NAPB: variants seen among roughly 807,000 people sequenced by gnomAD.
NAPB encodes the protein NSF attachment protein beta.
A neutral mutation model predicts 44.7 loss-of-function variants in NAPB; 26 were observed. The ratio of observed to expected loss-of-function variants is 0.58; its 90% CI spans 0.43 to 0.81. The LOEUF is 0.81. Among genes scored for constraint, NAPB ranks in the 30% least tolerant of loss-of-function variants. The pLI, the probability that NAPB is intolerant of heterozygous loss-of-function variation, is 0.00. For missense variants in NAPB, 315 were observed against 356.4 expected, an observed-to-expected ratio of 0.88 and a Z score of 0.94; for synonymous variants, 120 against 116.8, an observed-to-expected ratio of 1.03 and a Z score of -0.18.
chr20:23,383,409 ACTT>A (rs1451513719), intron 7 of NAPB, among the ~76,000 whole-genome samples: 15 of 152,226 alleles, frequency 9.9e-5, no homozygotes, highest in African/African-American at 3.1e-4. Context: ...ATGACAGCAG[ACTT>A]CTTATCAAAA....
intron 5 of NAPB, 125 bp downstream of exon 5, chr20:23,394,797 G>A: frequency 1.1e-6 from 1 of 873,736 alleles, no homozygotes; most frequent in Non-Finnish European, 1.8e-6. Flanking sequence ...TTGCCAGAAA[G>A]TCTCCAGGCA....
intron 1 of NAPB, among the ~76,000 whole-genome samples, chr20:23,403,379 G>A (rs1163595377): frequency 1.3e-5 from 2 of 152,146 alleles, no homozygotes; most frequent in Admixed American, 1.3e-4. Flanking sequence ...AAGGCGGGCG[G>A]ATCACCTGAG....
intron 1 of NAPB, among the ~76,000 whole-genome samples, chr20:23,407,480 A>G (rs970915654): frequency 1.3e-5 from 2 of 152,180 alleles, no homozygotes; most frequent in African/African-American, 4.8e-5. Context: ...TCTGACTTGG[A>G]AGAAGAAAAC....
At chr20:23,416,596 T>C (rs1205811581) in intron 1 of NAPB, among the ~76,000 whole-genome samples, 2 of 151,932 alleles carry the variant, frequency 1.3e-5, no homozygotes, top group East Asian at 1.9e-4. Flanking sequence ...TTACGTATAT[T>C]ATATAATTTA....
chr20:23,421,267 A>AC (rs200080949), intron 1 of NAPB, 38 bp downstream of exon 1: 241 of 1,412,558 alleles, frequency 1.7e-4, no homozygotes, highest in South Asian at 2.3e-4. Flanking sequence ...AAGTACGGAG[A>AC]CCCCCCCCCC....
chr20:23,390,899 G>A (rs989406165), intron 5 of NAPB, among the ~76,000 whole-genome samples: 3 of 152,144 alleles, frequency 2.0e-5, no homozygotes, highest in Non-Finnish European at 2.9e-5. Flanking sequence ...GGGTGTTGCC[G>A]TCAATCTAAA....
chr20:23,405,357 TAAAG>T (rs1408143062), intron 1 of NAPB, among the ~76,000 whole-genome samples: 11 of 151,020 alleles, frequency 7.3e-5, no homozygotes, highest in African/African-American at 2.4e-4. Flanking sequence ...AAGAGAGAGA[TAAAG>T]AAAGAGAGAA....
chr20:23,395,261 G>C, intron 3 of NAPB, 76 bp from the exon 4 acceptor site: 4 of 1,514,950 alleles, frequency 2.6e-6, no homozygotes, highest in Non-Finnish European at 3.6e-6. Flanking sequence ...CTGTCTTCCT[G>C]GCTGTTATCA....
intron 1 of NAPB, among the ~76,000 whole-genome samples, chr20:23,412,533 T>G (rs1985724477): frequency 6.6e-6 from 1 of 152,162 alleles, no homozygotes; most frequent in South Asian, 2.1e-4. Flanking sequence ...GTAGCCCCCT[T>G]TATAAAGCAG....
chr20:23,393,308 A>G (rs574453216), intron 5 of NAPB, among the ~76,000 whole-genome samples: 2 of 139,994 alleles, frequency 1.4e-5, no homozygotes, highest in South Asian at 2.3e-4. Context: ...TGGCAATTAT[A>G]AAAAAAAAAG....
intron 7 of NAPB, among the ~76,000 whole-genome samples, chr20:23,388,630 A>G (rs1427108862): frequency 6.6e-6 from 1 of 152,214 alleles, no homozygotes; most frequent in African/African-American, 2.4e-5. Flanking sequence ...AATTTTCAAT[A>G]AGGGTCTTAA....
rs1404388751 is a variant in NAPB at position 23,381,198 on chromosome 20, T to C, written c.666+15A>G. ...ATGGGTGAAATCAGTCAATCAATGCTGAAGAACTCCTTACCTTGGCATTCA... is the reference window on the plus strand; with the variant it reads ...ATGGGTGAAATCAGTCAATCAATGCCGAAGAACTCCTTACCTTGGCATTCA... On this transcript the variant is annotated intron_variant, in intron 8 of 10. Transcript: ENST00000377026. The C allele has an allele frequency of 1.3e-6, 2 of 1,572,984 alleles. No individual in the cohort carries two copies. Among genetic ancestry groups the C allele is most frequent in the South Asian group, 1.1e-5 (1 of 90,226 alleles).
chr20:23,398,253 A>C (rs1318260994), intron 2 of NAPB, among the ~76,000 whole-genome samples: 1 of 152,232 alleles, frequency 6.6e-6, no homozygotes, highest in Non-Finnish European at 1.5e-5. Flanking sequence ...CTACCAGGAA[A>C]AGCATGGTTA....
chr20:23,406,321 AT>A (rs1253763494), intron 1 of NAPB, among the ~76,000 whole-genome samples: 10 of 152,262 alleles, frequency 6.6e-5, no homozygotes, highest in African/African-American at 2.2e-4. Flanking sequence ...TGACAGCTAA[AT>A]GGTACAGGGT....
chr20:23,410,156 A>C (rs150351991), intron 1 of NAPB, among the ~76,000 whole-genome samples: 3 of 152,238 alleles, frequency 2.0e-5, no homozygotes, highest in African/African-American at 7.2e-5. Flanking sequence ...AGTGATGGAA[A>C]TACGTTCTTG....
intron 1 of NAPB, among the ~76,000 whole-genome samples, chr20:23,420,835 C>T (rs1986361288): frequency 6.7e-6 from 1 of 149,286 alleles, no homozygotes; most frequent in South Asian, 2.1e-4. Flanking sequence ...GTTCTAGGGG[C>T]TTCGTGGGGC....
At chr20:23,406,486 A>G (rs76177070) in intron 1 of NAPB, among the ~76,000 whole-genome samples, 2,086 of 151,872 alleles carry the variant, frequency 0.014, 50 homozygotes, top group East Asian at 0.092. Flanking sequence ...ACACACAAAA[A>G]AAATCAAAAA....
At chr20:23,417,903 T>C (rs1032962853) in intron 1 of NAPB, among the ~76,000 whole-genome samples, 4 of 152,072 alleles carry the variant, frequency 2.6e-5, no homozygotes, top group African/African-American at 9.7e-5. Flanking sequence ...GACTGACATG[T>C]TCTCATAAAT....
At chr20:23,404,747 T>C (rs1985111147) in intron 1 of NAPB, among the ~76,000 whole-genome samples, 1 of 152,196 alleles carries the variant, frequency 6.6e-6, no homozygotes, top group Non-Finnish European at 1.5e-5. Flanking sequence ...ATTGTATGTC[T>C]CATGAGGAAC....
Sources: allele counts gnomAD v4.1 joint callset (sites outside exome capture counted in the v4.1 genomes callset), GRCh38; gene constraint gnomAD v4.1.1; transcripts MANE v1.5; gene names NCBI Gene and HGNC (gene_info 2026-07-23, HGNC 2026-07-21).